Variants in FILIP1L observed in about 807,000 individuals in gnomAD.
The protein encoded by FILIP1L is filamin A-interacting protein 1-like.
Under a neutral mutation model 96.6 loss-of-function variants are expected in FILIP1L, and 55 were observed. That is an observed-to-expected ratio of 0.57 (90% CI 0.46 to 0.71). The LOEUF (loss-of-function observed/expected upper bound fraction) is 0.71, where lower values mean the gene tolerates loss of function less well. FILIP1L is among the 30% of genes least tolerant of loss of function. The pLI, the probability that FILIP1L is intolerant of heterozygous loss-of-function variation, is 0.00. For synonymous variants in FILIP1L, 467 were observed against 473.9 expected (o/e 0.99, Z 0.19); for missense variants, 1,304 against 1,321.2 (o/e 0.99, Z 0.20).
chr3:99,900,575 C>T (rs1706403020), intron 4 of FILIP1L, among the ~76,000 whole-genome samples: 1 of 152,198 alleles, frequency 6.6e-6, no homozygotes, highest in South Asian at 2.1e-4. Flanking sequence ...TATGTTATAA[C>T]TAAGGTGTAA....
intron 4 of FILIP1L, among the ~76,000 whole-genome samples, chr3:99,852,069 T>C (rs1221148911): frequency 6.6e-6 from 1 of 152,244 alleles, no homozygotes; most frequent in Non-Finnish European, 1.5e-5. Context: ...TGTTTTAAAT[T>C]TGTCAGCATA....
At chr3:100,047,988 C>A (rs561050463) in intron 1 of FILIP1L, among the ~76,000 whole-genome samples, 1 of 152,128 alleles carries the variant, frequency 6.6e-6, no homozygotes, top group South Asian at 2.1e-4. Context: ...GTAAATATAC[C>A]CTCCTAAGAA....
At chr3:99,897,358 AGACT>A (rs1706291013) in intron 4 of FILIP1L, among the ~76,000 whole-genome samples, 1 of 151,928 alleles carries the variant, frequency 6.6e-6, no homozygotes, top group African/African-American at 2.4e-5. Context: ...GACAAGAGCT[AGACT>A]TTGTCTCAAA....
intron 1 of FILIP1L, among the ~76,000 whole-genome samples, chr3:99,975,815 A>G (rs1465411760): frequency 6.6e-6 from 1 of 152,176 alleles, no homozygotes; most frequent in Non-Finnish European, 1.5e-5. Context: ...TGTAGAAGGA[A>G]AGTTTAGAAC....
chr3:99,878,781 G>A (rs938784565), intron 4 of FILIP1L, among the ~76,000 whole-genome samples: 14 of 152,194 alleles, frequency 9.2e-5, no homozygotes, highest in African/African-American at 3.4e-4. Context: ...TGATACAAGA[G>A]TACCCTGGGT....
At chr3:100,028,316 C>G (rs2107252574) in intron 1 of FILIP1L, among the ~76,000 whole-genome samples, 2 of 152,290 alleles carry the variant, frequency 1.3e-5, no homozygotes, top group East Asian at 3.9e-4. Flanking sequence ...AGCCTTTGTT[C>G]TTACTTAGCC....
chr3:100,087,553 A>C, intron 1 of FILIP1L, among the ~76,000 whole-genome samples: 1 of 152,120 alleles, frequency 6.6e-6, no homozygotes, highest in East Asian at 1.9e-4. Flanking sequence ...GCATCTTTTC[A>C]AACCTTTTGC....
chr3:100,066,115 A>G (rs1046094906), intron 1 of FILIP1L, among the ~76,000 whole-genome samples: 3 of 152,182 alleles, frequency 2.0e-5, no homozygotes, highest in Admixed American at 6.5e-5. Flanking sequence ...ATTACCATCT[A>G]TTTTCCCTTG....
At chr3:99,950,365 T>C (rs1354906933) in intron 1 of FILIP1L, among the ~76,000 whole-genome samples, 2 of 152,224 alleles carry the variant, frequency 1.3e-5, no homozygotes, top group African/African-American at 4.8e-5. Context: ...TGCCTGATTA[T>C]TCTTATTTCT....
chr3:100,008,604 ATGG>A (rs1710055473), intron 1 of FILIP1L, among the ~76,000 whole-genome samples: 1 of 152,236 alleles, frequency 6.6e-6, no homozygotes, highest in South Asian at 2.1e-4. Context: ...ACAGGGAACA[ATGG>A]TGGGGTTAAT....
intron 1 of FILIP1L, among the ~76,000 whole-genome samples, chr3:99,957,982 G>A (rs973259902): frequency 1.3e-5 from 2 of 149,096 alleles, no homozygotes; most frequent in East Asian, 3.9e-4. Flanking sequence ...CATTTTCCAA[G>A]ATAGCCTCTT....
chr3:99,909,038 A>C (rs534249008), intron 4 of FILIP1L, among the ~76,000 whole-genome samples: 303 of 152,310 alleles, frequency 2.0e-3, no homozygotes, highest in African/African-American at 6.8e-3. Flanking sequence ...TTGTGTGTGC[A>C]TGTGTGTGTG....
At chr3:99,993,975 T>C (rs539006125) in intron 1 of FILIP1L, among the ~76,000 whole-genome samples, 10 of 152,336 alleles carry the variant, frequency 6.6e-5, no homozygotes, top group Non-Finnish European at 1.3e-4. Context: ...AGGGTGATAC[T>C]GGCCTCATAG....
At position 100,031,971 on chromosome 3, in the gene FILIP1L, T is replaced by TCA. The variant is rs1207825717; in HGVS notation, c.-11+82081_-11+82082insTG. ...GACAGTTAAATTTGAATTTTATGTA[T>TCA]TTTTCATGCATCATGAAAAATCCTA... On this transcript the variant is annotated intron_variant, in intron 1 of 5. Coordinates refer to ENST00000477258, the MANE Select transcript of FILIP1L (RefSeq NM_001387850.1). Among the ~76,000 whole-genome samples, 81 of 152,312 alleles carry TCA rather than the reference T, an allele frequency of 5.3e-4. 3 individuals carry two copies. The East Asian group carries it at 0.015, about 29-fold the overall frequency.
intron 1 of FILIP1L, among the ~76,000 whole-genome samples, chr3:100,098,241 T>C (rs1177215702): frequency 1.3e-5 from 2 of 152,176 alleles, no homozygotes; most frequent in African/African-American, 4.8e-5. Flanking sequence ...GGTACCTGTA[T>C]TGGTGATGAT....
At chr3:100,020,820 T>C (rs1280985579) in intron 1 of FILIP1L, among the ~76,000 whole-genome samples, 3 of 132,602 alleles carry the variant, frequency 2.3e-5, no homozygotes. Context: ...AGGTTTGGAG[T>C]ACAGTGGCAC....
At chr3:99,877,876 T>G (rs1476302053) in intron 4 of FILIP1L, among the ~76,000 whole-genome samples, 2 of 152,212 alleles carry the variant, frequency 1.3e-5, no homozygotes, top group Non-Finnish European at 2.9e-5. Flanking sequence ...CTAACAGTTT[T>G]GTAGCTTGTT....
intron 1 of FILIP1L, among the ~76,000 whole-genome samples, chr3:99,945,220 C>T (rs528747865): frequency 6.6e-6 from 1 of 152,296 alleles, no homozygotes; most frequent in East Asian, 1.9e-4. Flanking sequence ...TCATGTCTTC[C>T]TCTAAGAAGG....
chr3:99,845,192 T>A (rs1056007654), intron 5 of FILIP1L, among the ~76,000 whole-genome samples: 1 of 149,768 alleles, frequency 6.7e-6, no homozygotes, highest in Non-Finnish European at 1.5e-5. Context: ...ACAATGTCCT[T>A]CTAGTAAGGA....
Sources: gnomAD v4.1 joint callset for allele counts (sites outside exome capture counted in the v4.1 genomes callset) on GRCh38, gnomAD v4.1.1 for gene constraint, MANE v1.5 for transcripts, NCBI Gene and HGNC (gene_info 2026-07-23, HGNC 2026-07-21) for gene names.